GBF1: variants seen among roughly 807,000 people sequenced by gnomAD.
GBF1 encodes the protein golgi brefeldin A resistant guanine nucleotide exchange factor 1.
In GBF1, 114 loss-of-function variants were observed where a neutral mutation model predicts 210.5. That is an observed-to-expected ratio of 0.54 (90% CI 0.47 to 0.63). The LOEUF (loss-of-function observed/expected upper bound fraction) is 0.63. GBF1 is among the 30% of genes least tolerant of loss of function. The pLI, the probability that GBF1 is intolerant of heterozygous loss-of-function variation, is 0.00. For missense variants in GBF1, 1,851 were observed against 2,357.7 expected (o/e 0.79, Z 4.45); for synonymous variants, 850 against 889.2 (o/e 0.96, Z 0.78).
chr10:102,275,332 C>T (rs568724139), intron 3 of GBF1, among the ~76,000 whole-genome samples: 1 of 152,280 alleles, frequency 6.6e-6, no homozygotes, highest in African/African-American at 2.4e-5. Flanking sequence ...ACCCTTGTAA[C>T]TTTGAACAGG....
chr10:102,325,091 C>T (rs1268756474), intron 3 of GBF1, among the ~76,000 whole-genome samples: 2 of 152,188 alleles, frequency 1.3e-5, no homozygotes, highest in East Asian at 3.8e-4. Context: ...TCTTTTGTGC[C>T]ATGCCATGTT....
At chr10:102,287,351 T>A (rs1450984060) in intron 3 of GBF1, among the ~76,000 whole-genome samples, 9 of 68,480 alleles carry the variant, frequency 1.3e-4, no homozygotes, top group Non-Finnish European at 2.8e-4. Context: ...TTTCTTTTTT[T>A]TTTTTTTTTT....
At chr10:102,329,186 C>T (rs2057139892) in intron 3 of GBF1, among the ~76,000 whole-genome samples, 1 of 152,150 alleles carries the variant, frequency 6.6e-6, no homozygotes, top group African/African-American at 2.4e-5. Context: ...GGTTGATACG[C>T]ATCAAACTTG....
the GBF1 span, chr10:102,231,884 G>GGGGCTGCCCAGCCGGGGTCCCACCC: frequency 6.4e-6 from 10 of 1,562,156 alleles, no homozygotes; most frequent in African/African-American, 1.3e-4. Flanking sequence ...GGCTCCCACC[G>GGGGCTGCCCAGCCGGGGTCCCACCC]GGGCTGCCCA....
rs773316253 is a variant in GBF1 at position 102,380,401 on chromosome 10, C to T, written c.4992+39C>T. The T allele has an allele frequency of 2.5e-5, 39 of 1,576,790 alleles. No homozygotes were observed. In the East Asian group the frequency reaches 8.7e-4, roughly 35 times the overall value. On this transcript the variant is annotated intron_variant, in intron 37 of 39. Transcript: ENST00000369983. ...CAGCTCTGCTGCCTGCCTCCTGTCCCACCTGTTGGAAGGACTTGCCCTTTC... is the reference window on the plus strand; with the variant it reads ...CAGCTCTGCTGCCTGCCTCCTGTCCTACCTGTTGGAAGGACTTGCCCTTTC...
At chr10:102,367,287 G>A in intron 20 of GBF1, 77 bp downstream of exon 20, 4 of 1,485,680 alleles carry the variant, frequency 2.7e-6, no homozygotes, top group Admixed American at 3.4e-5. Flanking sequence ...AGGATTTCCA[G>A]TGGGCATGAT....
rs749903105 is a variant in GBF1 at position 102,379,379 on chromosome 10, G to A, written c.4590G>A (p.Lys1530=). The A allele has an allele frequency of 6.2e-7, 1 of 1,614,106 alleles. No individual in the cohort carries two copies. The highest frequency in any genetic ancestry group is 1.1e-5 in the South Asian group (1 of 91,068). The part of the protein sequence containing the change: ...EQRHLETGGQ[K]IEADSRTLWA... Reference sequence around the variant, plus strand: ...GCCACCTGGAGACAGGTGGCCAGAAGATTGAAGCTGATTCTCGCACCCTCT... The same window carrying A: ...GCCACCTGGAGACAGGTGGCCAGAAAATTGAAGCTGATTCTCGCACCCTCT... The change falls in exon 34 of 40, where the codon AAG becomes AAA. Residue 1530 remains lysine, a synonymous_variant. Transcript: ENST00000369983.
intron 3 of GBF1, among the ~76,000 whole-genome samples, chr10:102,294,575 G>T (rs917726362): frequency 6.6e-6 from 1 of 151,662 alleles, no homozygotes; most frequent in Non-Finnish European, 1.5e-5. Flanking sequence ...TAGAGATGGG[G>T]TTTCACCGTG....
At chr10:102,368,137 G>A in intron 21 of GBF1, 81 bp from the exon 22 acceptor site, 1 of 867,756 alleles carries the variant, frequency 1.2e-6, no homozygotes, top group Non-Finnish European at 1.9e-6. Context: ...GAGAGTGCTA[G>A]TATGGATGAA....
At position 102,366,637 on chromosome 10, in the gene GBF1, A is replaced by G; in HGVS notation, c.2433+131A>G. 1.2e-6 allele frequency: 1 copy of G among 806,028 alleles called. No homozygotes were observed. 49.9% of individuals were successfully genotyped at this position (806,028 alleles called of 1,614,324 possible). A position where few individuals can be genotyped will look rare whatever the true frequency, so the allele number is the denominator to read the frequency against. On this transcript the variant is annotated intron_variant, in intron 19 of 39. Transcript: ENST00000369983. The surrounding 1 kb of genome is among the most constrained non-coding windows in gnomAD (Gnocchi z 4.0). ...AGTCTCGCTCTGTCACCCAGGCTGG[A>G]GTGCAGTAGCGCAGTCTCAGCACAC...
At chr10:102,300,416 C>T (rs958995679) in intron 3 of GBF1, among the ~76,000 whole-genome samples, 6 of 152,104 alleles carry the variant, frequency 3.9e-5, no homozygotes, top group East Asian at 1.9e-4. Context: ...AAGTTAAGGT[C>T]GCAGTGGCAT....
At position 102,376,769 on chromosome 10, in the gene GBF1, C is replaced by A. The variant is rs2060520625; in HGVS notation, c.4257C>A (p.Leu1419=). ...PDNFELCVKT[L]RIFVEASLNG... The stretch of plus-strand genomic sequence containing the variant: ...ACTTTGAGCTCTGCGTCAAGACTCT[C>A]CGGATCTTTGTGGAGGCCAGTCTGA... Residue 1419 remains leucine (L), a synonymous_variant, in exon 32 of 40, where the codon CTC becomes CTA. Coordinates refer to ENST00000369983, the MANE Select transcript of GBF1 (RefSeq NM_001377137.1). 2 of 1,609,220 alleles carry A rather than the reference C, an allele frequency of 1.2e-6. No homozygotes were observed. Among genetic ancestry groups the A allele is most frequent in the South Asian group, 2.2e-5 (2 of 91,084 alleles).
intron 4 of GBF1, among the ~76,000 whole-genome samples, chr10:102,347,339 C>G (rs1258355117): frequency 1.3e-5 from 2 of 152,218 alleles, no homozygotes; most frequent in East Asian, 3.8e-4. Flanking sequence ...CTCCGACACC[C>G]TAGTCCCAGC....
chr10:102,288,823 G>A (rs370030944), intron 3 of GBF1, among the ~76,000 whole-genome samples: 3 of 151,150 alleles, frequency 2.0e-5, no homozygotes, highest in African/African-American at 4.8e-5. Flanking sequence ...GGAGTTGGCC[G>A]CATGTGGTGG....
intron 3 of GBF1, among the ~76,000 whole-genome samples, chr10:102,280,219 T>C (rs529745866): frequency 2.0e-5 from 3 of 151,084 alleles, no homozygotes; most frequent in Non-Finnish European, 4.4e-5. Context: ...AGCAAAGAAC[T>C]TGGGGATGGG....
chr10:102,354,179 C>T lies in GBF1; in HGVS notation c.639+525C>T, dbSNP rs146605063. On this transcript the variant is annotated intron_variant, in intron 8 of 39. Transcript: ENST00000369983. The stretch of plus-strand genomic sequence containing the variant: ...TCTTGAACTGAAGCCCTGGACTTCA[C>T]GGGCCTCTGATGAGGATTCCGCTTG... Among the ~76,000 whole-genome samples, 681 of 152,236 alleles carry T rather than the reference C, an allele frequency of 4.5e-3. 3 individuals carry two copies. The highest frequency in any genetic ancestry group is 0.01 in the Admixed American group (157 of 15,284).
intron 6 of GBF1, 81 bp downstream of exon 6, chr10:102,352,032 A>G: frequency 2.4e-6 from 2 of 826,676 alleles, no homozygotes; most frequent in Non-Finnish European, 4.3e-6. Context: ...CTTCCCAGAG[A>G]GATGGAAAAT....
chr10:102,265,530 T>TA (rs1406511901), intron 3 of GBF1, among the ~76,000 whole-genome samples: 1 of 151,624 alleles, frequency 6.6e-6, no homozygotes, highest in Non-Finnish European at 1.5e-5. Context: ...AAAATAAAAA[T>TA]AAAAAAAATT....
chr10:102,376,479 T>G, intron 31 of GBF1, 47 bp downstream of exon 31: 1 of 1,612,112 alleles, frequency 6.2e-7, no homozygotes, highest in Non-Finnish European at 8.5e-7. Context: ...GCTTGACCTG[T>G]GGGAAGAATT....
Sources: allele counts gnomAD v4.1 joint callset (sites outside exome capture counted in the v4.1 genomes callset), GRCh38; gene constraint gnomAD v4.1.1; non-coding constraint Gnocchi (gnomAD v3.1); transcripts MANE v1.5; gene names NCBI Gene and HGNC (gene_info 2026-07-23, HGNC 2026-07-21).